Variants in CD163 observed in about 807,000 individuals in gnomAD.
The protein encoded by CD163 is CD163 molecule.
Under a neutral mutation model 129.2 loss-of-function variants are expected in CD163, and 64 were observed. The ratio of observed to expected loss-of-function variants is 0.50; its 90% CI spans 0.41 to 0.61. CD163 has a LOEUF of 0.61. Ranked by LOEUF, CD163 falls within the 20% of genes least tolerant of loss-of-function variation. CD163 has a pLI of 0.00. For missense variants in CD163, 1,061 were observed against 1,377.9 expected, an observed-to-expected ratio of 0.77 and a Z score of 3.64; for synonymous variants, 446 against 478.5, an observed-to-expected ratio of 0.93 and a Z score of 0.89.
chr12:7,476,463 C>T (rs182214992), intron 16 of CD163, among the ~76,000 whole-genome samples: 1 of 152,114 alleles, frequency 6.6e-6, no homozygotes, highest in Non-Finnish European at 1.5e-5. Context: ...CTTCAACAAA[C>T]CTGCCAAAAA....
In CD163 at chr12:7,489,968, T is replaced by C. The variant is rs149355518; in HGVS notation, c.1421-1881A>G. ...GTGCCTCTGTAGAAACTTTTCTCTC[T>C]ACTTAAAATTTATTTCCCTACCTTA... On this transcript the variant is annotated intron_variant, in intron 6 of 16. Transcript: ENST00000432237. Among the ~76,000 whole-genome samples the C allele has an allele frequency of 4.5e-3, 682 of 152,162 alleles. 2 individuals are homozygous for C. The highest frequency in any genetic ancestry group is 0.015 in the African/African-American group (604 of 41,562).
At position 7,483,625 on chromosome 12, in the gene CD163, T is replaced by A. The variant is rs750247723; in HGVS notation, c.2830A>T (p.Ile944Phe). The A allele has an allele frequency of 1.2e-6, 2 of 1,613,676 alleles. No homozygotes were observed. The highest frequency in any genetic ancestry group is 2.2e-5 in the South Asian group (2 of 91,052). Residue 944 changes from isoleucine (I) to phenylalanine (F), a missense_variant, in exon 12 of 17, where the codon ATC (isoleucine) becomes TTC (phenylalanine). Physicochemically the swap from Ile to Phe is conservative, Grantham distance 21. Coordinates refer to ENST00000432237, the MANE Select transcript of CD163 (RefSeq NM_203416.4). ...GTCCCCCAGGAACCTCCATGCCAGA[T>A]CTCCACACGTCCAGAACAGGAAGTG... ...GPTSCSGRVEIWHGGSWGTVC... is the reference protein window; with the variant it reads ...GPTSCSGRVEFWHGGSWGTVC...
In CD163 at chr12:7,488,040, G is replaced by A. The variant is rs769944120; in HGVS notation, c.1468C>T (p.Arg490Cys). The A allele has an allele frequency of 4.3e-6, 7 of 1,613,852 alleles. No homozygotes were observed. Among genetic ancestry groups the A allele is most frequent in the Non-Finnish European group, 2.5e-6 (3 of 1,179,950 alleles). The stretch of plus-strand genomic sequence containing the variant: ...GTGTCACCATGCTTCACTTCAACAC[G>A]TCCAGAACAGGGAATGTCCCCTCCA... The part of the protein sequence containing the change: ...LVGGDIPCSG[R>C]VEVKHGDTWG... Residue 490 changes from arginine to cysteine, a missense_variant, in exon 7 of 17, where the codon CGT (arginine) becomes TGT (cysteine). Transcript: ENST00000432237.
At chr12:7,501,011 G>C in intron 3 of CD163, 128 bp downstream of exon 3, 1 of 745,208 alleles carries the variant, frequency 1.3e-6, no homozygotes, top group Non-Finnish European at 2.2e-6. Context: ...TCTAGCAATG[G>C]ATGGAGTACT....
intron 16 of CD163, among the ~76,000 whole-genome samples, chr12:7,472,805 T>C (rs914852310): frequency 1.2e-4 from 18 of 152,070 alleles, no homozygotes; most frequent in African/African-American, 4.1e-4. Context: ...TCTAACCCAA[T>C]GCAAGGAGGC....
In CD163 at chr12:7,488,074, G is replaced by C. The variant is rs774199905; in HGVS notation, c.1434C>G (p.Pro478=). The C allele has an allele frequency of 6.2e-7, 1 of 1,611,046 alleles. No individual in the cohort carries two copies. Among genetic ancestry groups the C allele is most frequent in the Non-Finnish European group, 8.5e-7 (1 of 1,178,850 alleles). The change falls in exon 7 of 17, where the codon CCC becomes CCG. Residue 478 remains proline, a synonymous_variant. Coordinates refer to ENST00000432237, the MANE Select transcript of CD163 (RefSeq NM_203416.4). ...AKITCSAHRE[P]RLVGGDIPCS... is the part of the protein sequence containing the mutation. ...AGGGAATGTCCCCTCCAACCAGTCTGGGTTCCCTGTGGGCTGAAAAATAAA... is the reference window on the plus strand; with the variant it reads ...AGGGAATGTCCCCTCCAACCAGTCTCGGTTCCCTGTGGGCTGAAAAATAAA...
rs12229173 is a variant in CD163 at position 7,496,531 on chromosome 12, G to A, written c.1099+282C>T. On this transcript the variant is annotated intron_variant, in intron 5 of 16. Transcript: ENST00000432237. This position sits in a 1 kb window ranked among gnomAD's most constrained non-coding sequence, Gnocchi z 4.8. ...AAAAAAATTTAAAAACAGATTCCTA[G>A]GAAATTTTGTCTCTCTGAGCTCCAG... Among the ~76,000 whole-genome samples, 564 of 152,174 alleles carry A rather than the reference G, an allele frequency of 3.7e-3. 26 individuals are homozygous for A. The East Asian group carries it at 0.091, about 25-fold the overall frequency.
At position 7,495,376 on chromosome 12, in the gene CD163, A is replaced by C. The variant is rs1203212785; in HGVS notation, c.1125T>G (p.Leu375=). 2 of 1,613,978 alleles carry C rather than the reference A, an allele frequency of 1.2e-6. No homozygotes were observed. Among genetic ancestry groups the C allele is most frequent in the Non-Finnish European group, 8.5e-7 (1 of 1,179,956 alleles). The change falls in exon 6 of 17, where the codon CTT becomes CTG. Residue 375 remains leucine, a synonymous_variant. Coordinates refer to ENST00000432237, the MANE Select transcript of CD163 (RefSeq NM_203416.4). ...CSDGSDLELR[L]RGGGSRCAGT... Reference sequence around the variant, plus strand: ...CAGCACAGCGGCTGCCTCCACCTCTAAGTCTTAGCTCCAGATCTGATCCAT... The same window carrying C: ...CAGCACAGCGGCTGCCTCCACCTCTCAGTCTTAGCTCCAGATCTGATCCAT...
chr12:7,472,971 A>C (rs2136678729), intron 16 of CD163: 1 of 152,360 alleles, frequency 6.6e-6, no homozygotes, highest in South Asian at 2.1e-4. Flanking sequence ...AAGAAAGGAT[A>C]ACAGTAATTG....
At chr12:7,483,182 T>C (rs1459504133) in intron 12 of CD163, 178 bp from the exon 13 acceptor site, 2 of 798,478 alleles carry the variant, frequency 2.5e-6, no homozygotes, top group Non-Finnish European at 4.0e-6. Context: ...TGTATGTGTC[T>C]CCTTGGTGAA....
At chr12:7,481,860 T>C (rs1391667431) in intron 14 of CD163, among the ~76,000 whole-genome samples, 1 of 151,640 alleles carries the variant, frequency 6.6e-6, no homozygotes, top group Non-Finnish European at 1.5e-5. Context: ...AAACAAGAAA[T>C]GCTTCATCCT....
chr12:7,494,287 A>G (rs755021749), intron 6 of CD163, among the ~76,000 whole-genome samples: 2 of 152,338 alleles, frequency 1.3e-5, no homozygotes, highest in Admixed American at 6.5e-5. Flanking sequence ...ATTCAAATTT[A>G]TATCTTAAAT....
chr12:7,498,205 A>T (rs1025726554), intron 4 of CD163, among the ~76,000 whole-genome samples: 1 of 151,568 alleles, frequency 6.6e-6, no homozygotes, highest in Non-Finnish European at 1.5e-5. Context: ...TTTTACTCTT[A>T]TTTTCCTAAG....
chr12:7,482,650 C>A lies in CD163; in HGVS notation c.3240G>T (p.Arg1080=), dbSNP rs1247263720. 6.2e-7 allele frequency: 1 copy of A among 1,614,084 alleles called. No individual in the cohort carries two copies. ...FLTKKRRQRQ[R]LAVSSRGENL... ...ACCAAATTTGGCTCAAACCTGCAAGCCGCTGTCTCTGTCTTCGCTTTTTAG... is the reference window on the plus strand; with the variant it reads ...ACCAAATTTGGCTCAAACCTGCAAGACGCTGTCTCTGTCTTCGCTTTTTAG... The change falls in exon 14 of 17, where the codon CGG becomes CGT. Residue 1080 remains arginine (R), a synonymous_variant. Transcript: ENST00000432237.
At chr12:7,476,742 T>C (rs771232102) in intron 16 of CD163, among the ~76,000 whole-genome samples, 1 of 152,084 alleles carries the variant, frequency 6.6e-6, no homozygotes, top group African/African-American at 2.4e-5. Context: ...ACAAATGGGA[T>C]CTAATTAAAC....
Position 7,479,872 on chromosome 12 carries a change from T to C in CD163, c.*19A>G, listed in dbSNP as rs746837861. 1.9e-6 allele frequency: 3 copies of C among 1,612,484 alleles called. No homozygotes were observed. The highest frequency in any genetic ancestry group is 3.3e-5 in the Admixed American group (2 of 59,858). ...TCTCATCACTCACCTCACTGGGTTATAAATTCCCATTTTCCTTTTCAGTGT... is the reference window on the plus strand; with the variant it reads ...TCTCATCACTCACCTCACTGGGTTACAAATTCCCATTTTCCTTTTCAGTGT... On this transcript the variant is annotated 3_prime_UTR_variant, in exon 16 of 17. Transcript: ENST00000432237.
chr12:7,498,543 T>A (rs1028909617), intron 4 of CD163, among the ~76,000 whole-genome samples: 1 of 152,174 alleles, frequency 6.6e-6, no homozygotes, highest in Non-Finnish European at 1.5e-5. Context: ...GTGCAAAATA[T>A]CCTAGTAAAG....
At position 7,486,994 on chromosome 12, in the gene CD163, C is replaced by T. The variant is rs756009424; in HGVS notation, c.2051-8G>A. The stretch of plus-strand genomic sequence containing the variant: ...GTGTTTGGGACTGGTTTCCTGCAAA[C>T]ACCAAGGTACTCAGTCATACAAGAC... On this transcript the variant is annotated splice_polypyrimidine_tract_variant and splice_region_variant and intron_variant, in intron 8 of 16. Coordinates refer to ENST00000432237, the MANE Select transcript of CD163 (RefSeq NM_203416.4). 2 of 1,609,484 alleles carry T rather than the reference C, an allele frequency of 1.2e-6. No individual in the cohort carries two copies. The highest frequency in any genetic ancestry group is 1.7e-6 in the Non-Finnish European group (2 of 1,176,164).
At chr12:7,478,799 A>T (rs1949122429) in intron 16 of CD163, among the ~76,000 whole-genome samples, 1 of 152,038 alleles carries the variant, frequency 6.6e-6, no homozygotes, top group South Asian at 2.1e-4. Context: ...TAGATATATA[A>T]TATGTAGATG....
Sources: gnomAD v4.1 joint callset for allele counts (sites outside exome capture counted in the v4.1 genomes callset) on GRCh38, gnomAD v4.1.1 for gene constraint, Gnocchi (gnomAD v3.1) non-coding constraint, MANE v1.5 for transcripts, NCBI Gene and HGNC (gene_info 2026-07-23, HGNC 2026-07-21) for gene names.